Variants in TBCK observed in about 807,000 individuals in gnomAD.
The protein encoded by TBCK is TBC domain-containing protein kinase-like protein.
TBCK carries 99 observed loss-of-function variants against 113.4 expected under a neutral mutation model. That is an observed-to-expected ratio of 0.87 (90% CI 0.74 to 1.03). TBCK has a LOEUF of 1.03. TBCK is among the 50% of genes least tolerant of loss of function. The pLI, the probability that TBCK is intolerant of heterozygous loss-of-function variation, is 0.00. For synonymous variants in TBCK, 369 were observed against 370.8 expected, an observed-to-expected ratio of 1.00 and a Z score of 0.05; for missense variants, 1,045 against 1,061.3, an observed-to-expected ratio of 0.98 and a Z score of 0.21.
In TBCK at chr4:106,059,856, G is replaced by A. The variant is rs141624922; in HGVS notation, c.2572-13176C>T. 3.5e-3 allele frequency among the ~76,000 whole-genome samples: 532 copies of A among 151,808 alleles called. 8 individuals are homozygous for A. Among genetic ancestry groups the A allele is most frequent in the Admixed American group, 0.029 (437 of 15,208 alleles). ...GAATGCAAAGGAAAAATTCTTAAAC[G>A]AAATTAAAGGTGCTACTCCAGTGAA... On this transcript the variant is annotated intron_variant, in intron 25 of 25. Transcript: ENST00000394708.
At chr4:106,173,421 A>T (rs560187703) in intron 22 of TBCK, among the ~76,000 whole-genome samples, 10 of 152,172 alleles carry the variant, frequency 6.6e-5, no homozygotes, top group Non-Finnish European at 1.2e-4. Context: ...TGTCTACTTA[A>T]CACAGTTTAG....
chr4:106,253,699 C>T (rs1306635709), intron 5 of TBCK, among the ~76,000 whole-genome samples: 1 of 152,094 alleles, frequency 6.6e-6, no homozygotes, highest in Non-Finnish European at 1.5e-5. Flanking sequence ...AAATTAATGA[C>T]ATTGAGGCAT....
intron 20 of TBCK, among the ~76,000 whole-genome samples, chr4:106,202,062 T>G (rs1754946833): frequency 6.6e-6 from 1 of 152,034 alleles, no homozygotes; most frequent in African/African-American, 2.4e-5. Context: ...ATCTGGCATT[T>G]AGTAAACTTA....
chr4:106,078,850 A>C (rs1738531210), intron 25 of TBCK, among the ~76,000 whole-genome samples: 1 of 152,194 alleles, frequency 6.6e-6, no homozygotes, highest in African/African-American at 2.4e-5. Context: ...AGGAAACTTC[A>C]GGTCAATATC....
chr4:106,237,701 T>G (rs143603209), intron 12 of TBCK, among the ~76,000 whole-genome samples: 1 of 152,142 alleles, frequency 6.6e-6, no homozygotes, highest in African/African-American at 2.4e-5. Flanking sequence ...AATTTATGCC[T>G]GGTTCTACTC....
intron 25 of TBCK, among the ~76,000 whole-genome samples, chr4:106,071,717 T>G (rs1413834192): frequency 6.6e-6 from 1 of 152,140 alleles, no homozygotes; most frequent in East Asian, 1.9e-4. Context: ...CTCCCATTAT[T>G]ATTGTGTGGG....
intron 3 of TBCK, among the ~76,000 whole-genome samples, chr4:106,277,273 A>G (rs1325669504): frequency 6.6e-6 from 1 of 152,176 alleles, no homozygotes. Flanking sequence ...AAAAGGTCTA[A>G]TGGTGTTTCT....
intron 25 of TBCK, among the ~76,000 whole-genome samples, chr4:106,049,362 G>A (rs1357082927): frequency 6.6e-6 from 1 of 152,024 alleles, no homozygotes; most frequent in East Asian, 1.9e-4. Flanking sequence ...GAATTTAACA[G>A]GGGCTGGGGA....
Position 106,193,721 on chromosome 4 carries a change from A to C in TBCK, c.1947T>G (p.Leu649=), listed in dbSNP as rs760339852. The change falls in exon 22 of 26, where the codon CTT becomes CTG. Residue 649 remains leucine (L), a synonymous_variant. Coordinates refer to ENST00000394708, the MANE Select transcript of TBCK (RefSeq NM_001163435.3). ...TACAGAATGGGAAAGAGGAATTCCCAAGTAGTAAGGTATCCCAGAGGTGGA... is the reference window on the plus strand; with the variant it reads ...TACAGAATGGGAAAGAGGAATTCCCCAGTAGTAAGGTATCCCAGAGGTGGA... ...KIFHLWDTLL[L]GNSSFPFCIG... 6.2e-7 allele frequency: 1 copy of C among 1,611,126 alleles called. No homozygotes were observed. Among genetic ancestry groups the C allele is most frequent in the Admixed American group, 1.7e-5 (1 of 59,360 alleles).
chr4:106,154,068 A>G (rs1442851362), intron 23 of TBCK, among the ~76,000 whole-genome samples: 1 of 151,988 alleles, frequency 6.6e-6, no homozygotes, highest in Non-Finnish European at 1.5e-5. Flanking sequence ...TTTCAGTATT[A>G]TTGATAAGAA....
intron 2 of TBCK, among the ~76,000 whole-genome samples, chr4:106,298,763 C>T (rs1766599840): frequency 6.6e-6 from 1 of 152,118 alleles, no homozygotes; most frequent in Admixed American, 6.5e-5. Flanking sequence ...GAAAATCATA[C>T]CAGTTTTGCT....
intron 23 of TBCK, among the ~76,000 whole-genome samples, chr4:106,142,162 C>T (rs1457318580): frequency 1.0e-5 from 1 of 96,806 alleles, no homozygotes; most frequent in Non-Finnish European, 2.7e-5. Flanking sequence ...TATTTAGCTT[C>T]GCTTTGCTAA....
chr4:106,250,368 A>G (rs765762003), intron 7 of TBCK, 50 bp downstream of exon 7: 2 of 1,217,992 alleles, frequency 1.6e-6, no homozygotes, highest in South Asian at 2.7e-5. Context: ...ATGATTACTA[A>G]TAGTAAGTTA....
At chr4:106,120,069 T>C (rs1299894896) in intron 23 of TBCK, among the ~76,000 whole-genome samples, 15 of 152,176 alleles carry the variant, frequency 9.9e-5, no homozygotes, top group African/African-American at 3.6e-4. Context: ...TTCATCTCAC[T>C]AGAGAGTGCC....
At chr4:106,185,899 T>A (rs978349202) in intron 22 of TBCK, among the ~76,000 whole-genome samples, 1 of 152,078 alleles carries the variant, frequency 6.6e-6, no homozygotes, top group Non-Finnish European at 1.5e-5. Context: ...CATCCTCAAG[T>A]AGGCCCTGGT....
rs1560796071 is a variant in TBCK at position 106,193,605 on chromosome 4, A to G, written c.2059+4T>C. 2 of 1,613,062 alleles carry G rather than the reference A, an allele frequency of 1.2e-6. No homozygotes were observed. The highest frequency in any genetic ancestry group is 1.7e-5 in the Admixed American group (1 of 59,906). On this transcript the variant is annotated splice_donor_region_variant and intron_variant, in intron 22 of 25. Coordinates refer to ENST00000394708, the MANE Select transcript of TBCK (RefSeq NM_001163435.3). Reference sequence around the variant, plus strand: ...TTAATGGCTCCATTTATTTAGATCTATACCTGGTAAATCGGAGAAGAGAAG... The same window carrying G: ...TTAATGGCTCCATTTATTTAGATCTGTACCTGGTAAATCGGAGAAGAGAAG...
At chr4:106,224,996 A>G (rs1199171511) in intron 19 of TBCK, among the ~76,000 whole-genome samples, 1 of 152,156 alleles carries the variant, frequency 6.6e-6, no homozygotes, top group African/African-American at 2.4e-5. Flanking sequence ...TCCTAGACTT[A>G]TAAGTAGTCA....
At chr4:106,191,525 T>A (rs893802874) in intron 22 of TBCK, among the ~76,000 whole-genome samples, 1 of 152,126 alleles carries the variant, frequency 6.6e-6, no homozygotes, top group Non-Finnish European at 1.5e-5. Flanking sequence ...GAAGAAGACA[T>A]AGATAAGCTA....
chr4:106,308,324 T>C (rs1316487196), intron 2 of TBCK, among the ~76,000 whole-genome samples: 1 of 152,100 alleles, frequency 6.6e-6, no homozygotes, highest in African/African-American at 2.4e-5. Context: ...TGATAAAAGC[T>C]ATAAAAGAAC....
Sources: allele counts gnomAD v4.1 joint callset (sites outside exome capture counted in the v4.1 genomes callset), GRCh38; gene constraint gnomAD v4.1.1; transcripts MANE v1.5; gene names NCBI Gene and HGNC (gene_info 2026-07-23, HGNC 2026-07-21).